PCDHGA3: variants seen among roughly 807,000 people sequenced by gnomAD.
The protein encoded by PCDHGA3 is protocadherin gamma-A3.
In PCDHGA3, 40 loss-of-function variants were observed where a neutral mutation model predicts 58.5. That is an observed-to-expected ratio of 0.68 (90% CI 0.53 to 0.89). PCDHGA3 has a LOEUF of 0.89. Among genes scored for constraint, PCDHGA3 ranks in the 40% least tolerant of loss-of-function variants. PCDHGA3 has a pLI of 0.00. For synonymous variants in PCDHGA3, 530 were observed against 525.7 expected, an observed-to-expected ratio of 1.01 and a Z score of -0.11; for missense variants, 1,223 against 1,195.9, an observed-to-expected ratio of 1.02 and a Z score of -0.33.
chr5:141,415,130 A>G (rs2095833213), intron 1 of PCDHGA3: 3 of 1,613,636 alleles, frequency 1.9e-6, no homozygotes, highest in South Asian at 1.1e-5. Flanking sequence ...GCCGTCCAGG[A>G]CCACGGCCAG....
intron 1 of PCDHGA3, chr5:141,403,465 G>C (rs1268345736): frequency 6.2e-7 from 1 of 1,614,018 alleles, no homozygotes; most frequent in Non-Finnish European, 8.5e-7. Context: ...AGAGCTACCA[G>C]CTCAGCCCCA....
intron 1 of PCDHGA3, chr5:141,441,857 ACGCCGC>A (rs2098279969): frequency 2.8e-6 from 1 of 352,664 alleles, no homozygotes; most frequent in Non-Finnish European, 5.6e-6. Flanking sequence ...ATGGTGCTGC[ACGCCGC>A]GGAGCCTGGC....
At chr5:141,394,288 C>T in intron 1 of PCDHGA3, 1 of 1,613,944 alleles carries the variant, frequency 6.2e-7, no homozygotes, top group Non-Finnish European at 8.5e-7. Flanking sequence ...TACTCTGTGA[C>T]CGAGGACACG....
chr5:141,494,792 C>A lies in PCDHGA3; in HGVS notation c.2425-15C>A. The A allele has an allele frequency of 6.2e-7, 1 of 1,614,132 alleles. No individual in the cohort carries two copies. Among genetic ancestry groups the A allele is most frequent in the East Asian group, 2.2e-5 (1 of 44,878 alleles). Reference sequence around the variant, plus strand: ...TCACGGGTACTCAGCCCCTTTCCCTCTGTTTTCTCCACAGCAAGCCCCGCC... The same window carrying A: ...TCACGGGTACTCAGCCCCTTTCCCTATGTTTTCTCCACAGCAAGCCCCGCC... On this transcript the variant is annotated splice_polypyrimidine_tract_variant and intron_variant, in intron 1 of 3. Transcript: ENST00000253812.
chr5:141,392,273 G>A (rs1037062086), intron 1 of PCDHGA3: 3 of 152,178 alleles, frequency 2.0e-5, no homozygotes, highest in Admixed American at 2.0e-4. Flanking sequence ...TTACAATAAA[G>A]CTTAGAGCAC....
At position 141,392,616 on chromosome 5, in the gene PCDHGA3, G is replaced by A. The variant is rs912385052; in HGVS notation, c.2424+46159G>A. 8 of 535,918 alleles carry A rather than the reference G, an allele frequency of 1.5e-5. No individual in the cohort carries two copies. In the South Asian group the frequency reaches 2.7e-4, roughly 18 times the overall value. The allele number at this position is 535,918 out of a possible 1,614,324, so 33.2% of individuals were successfully genotyped here. ...CACCTACTGGAAGACAAATGCAACC[G>A]AAAACACTCAGATCTCACACCTCAC... On this transcript the variant is annotated intron_variant, in intron 1 of 3. Transcript: ENST00000253812.
At chr5:141,392,322 A>G (rs2092513343) in intron 1 of PCDHGA3, 1 of 152,296 alleles carries the variant, frequency 6.6e-6, no homozygotes, top group South Asian at 2.1e-4. Flanking sequence ...TTAAGACCAA[A>G]TGTATTGCAG....
At chr5:141,370,694 G>A (rs1213038173) in intron 1 of PCDHGA3, 20 of 1,613,794 alleles carry the variant, frequency 1.2e-5, no homozygotes, top group Non-Finnish European at 1.6e-5. Flanking sequence ...GCAAGAAGTC[G>A]ACGTGTGTTC....
chr5:141,413,054 A>G (rs2095600698), intron 1 of PCDHGA3: 1 of 981,614 alleles, frequency 1.0e-6, no homozygotes, highest in African/African-American at 1.6e-5. Flanking sequence ...AGGGAAGCTC[A>G]CTCCAGAATT....
At chr5:141,419,371 C>T (rs751971270) in intron 1 of PCDHGA3, 4 of 1,613,662 alleles carry the variant, frequency 2.5e-6, no homozygotes, top group Non-Finnish European at 8.5e-7. Flanking sequence ...TGTCGTCCTA[C>T]GTGTCCGTGA....
intron 1 of PCDHGA3, chr5:141,423,613 GA>G (rs1164845631): frequency 1.9e-6 from 3 of 1,610,782 alleles, no homozygotes; most frequent in Admixed American, 1.7e-5. Context: ...CTTGATAGCT[GA>G]AGACTCAGCT....
At chr5:141,456,702 C>T (rs1185842343) in intron 1 of PCDHGA3, among the ~76,000 whole-genome samples, 1 of 152,062 alleles carries the variant, frequency 6.6e-6, no homozygotes, top group Non-Finnish European at 1.5e-5. Flanking sequence ...TGGTGGCTCG[C>T]GCCTGTAATC....
At chr5:141,358,425 C>G (rs17097227) in intron 1 of PCDHGA3, among the ~76,000 whole-genome samples, 21,407 of 152,038 alleles carry the variant, frequency 0.14, 2,091 homozygotes, top group African/African-American at 0.28. Flanking sequence ...AGGGTATTTT[C>G]CATTATAACA....
chr5:141,394,534 G>T (rs751746485), intron 1 of PCDHGA3: 2 of 1,614,074 alleles, frequency 1.2e-6, no homozygotes, highest in Non-Finnish European at 1.7e-6. Flanking sequence ...GGTTCCACTG[G>T]CGTGGAGCTG....
At chr5:141,376,011 T>C (rs1173303153) in intron 1 of PCDHGA3, 1 of 1,613,332 alleles carries the variant, frequency 6.2e-7, no homozygotes, top group Non-Finnish European at 8.5e-7. Context: ...CAGAGCCTAG[T>C]GGTGGCCGTC....
At chr5:141,418,341 A>G (rs1407312724) in intron 1 of PCDHGA3, 1 of 1,614,006 alleles carries the variant, frequency 6.2e-7, no homozygotes, top group South Asian at 1.1e-5. Context: ...GAAGATCCTG[A>G]TATTAGTATG....
intron 1 of PCDHGA3, chr5:141,366,021 AC>A: frequency 6.2e-7 from 1 of 1,614,092 alleles, no homozygotes; most frequent in Non-Finnish European, 8.5e-7. Flanking sequence ...GAGATCCTGT[AC>A]CCCGCCCTCC....
At chr5:141,376,357 A>C (rs769629850) in intron 1 of PCDHGA3, 24 of 1,613,894 alleles carry the variant, frequency 1.5e-5, no homozygotes, top group Admixed American at 1.0e-4. Context: ...ACGAGGTCTC[A>C]CTCACTGCAG....
At chr5:141,478,496 C>G in intron 1 of PCDHGA3, 1 of 1,613,014 alleles carries the variant, frequency 6.2e-7, no homozygotes, top group Non-Finnish European at 8.5e-7. Flanking sequence ...GAGCTGTGAT[C>G]CGGTGTTCTA....
Sources: allele counts gnomAD v4.1 joint callset (sites outside exome capture counted in the v4.1 genomes callset), GRCh38; gene constraint gnomAD v4.1.1; transcripts MANE v1.5; gene names NCBI Gene and HGNC (gene_info 2026-07-23, HGNC 2026-07-21).